Variants in LRMDA observed in about 807,000 individuals in gnomAD.
The protein encoded by LRMDA is leucine rich melanocyte differentiation associated, also known as leucine-rich melanocyte differentiation-associated protein.
In LRMDA, 18 loss-of-function variants were observed where a neutral mutation model predicts 29.8. The observed-to-expected ratio is 0.60, with a 90% CI of 0.42 to 0.90. The LOEUF is 0.90. Ranked by LOEUF, LRMDA falls within the 40% of genes least tolerant of loss-of-function variation. LRMDA has a pLI of 0.00. For synonymous variants in LRMDA, 125 were observed against 109.4 expected, an observed-to-expected ratio of 1.14 and a Z score of -0.89; for missense variants, 273 against 273.9, an observed-to-expected ratio of 1.00 and a Z score of 0.02.
rs532433171 is a variant in LRMDA, at chr10:75,911,059, A to T, written c.132-124949A>T. Among the ~76,000 whole-genome samples, 26 of 152,040 alleles carry T rather than the reference A, an allele frequency of 1.7e-4. No individual in the cohort carries two copies. In the South Asian group the frequency reaches 5.2e-3, roughly 30 times the overall value. The stretch of plus-strand genomic sequence containing the variant: ...CATTATTCTTTACTGTGTGCTGGCC[A>T]CTGCAACTCATCATAAAGATGAATG... On this transcript the variant is annotated intron_variant, in intron 2 of 6. Coordinates refer to ENST00000611255, the MANE Select transcript of LRMDA (RefSeq NM_001305581.2).
At chr10:76,336,935 T>A (rs1840976398) in intron 6 of LRMDA, among the ~76,000 whole-genome samples, 1 of 152,146 alleles carries the variant, frequency 6.6e-6, no homozygotes, top group Non-Finnish European at 1.5e-5. Flanking sequence ...TATGTCTAAT[T>A]TCTCCCCACC....
chr10:75,482,018 G>C (rs914166862), intron 2 of LRMDA, among the ~76,000 whole-genome samples: 3 of 152,062 alleles, frequency 2.0e-5, no homozygotes, highest in Non-Finnish European at 4.4e-5. Flanking sequence ...ATAACATCAC[G>C]CACCTCTCTT....
intron 2 of LRMDA, among the ~76,000 whole-genome samples, chr10:75,564,516 CGCGCGCATGGT>C (rs1453515970): frequency 6.6e-6 from 1 of 152,260 alleles, no homozygotes; most frequent in Non-Finnish European, 1.5e-5. Context: ...CCTGCTTCAG[CGCGCGCATGGT>C]GCGCTGCACC....
intron 2 of LRMDA, among the ~76,000 whole-genome samples, chr10:75,580,391 C>G (rs1418165695): frequency 6.6e-6 from 1 of 152,270 alleles, no homozygotes; most frequent in Non-Finnish European, 1.5e-5. Flanking sequence ...TCGAGAACTA[C>G]AAACCACTGC....
chr10:75,511,013 G>T (rs532734881), intron 2 of LRMDA, among the ~76,000 whole-genome samples: 1 of 152,246 alleles, frequency 6.6e-6, no homozygotes, highest in African/African-American at 2.4e-5. Flanking sequence ...GGCACCTACT[G>T]TATTGATTTG....
chr10:76,326,888 T>A (rs941807210), intron 6 of LRMDA, among the ~76,000 whole-genome samples: 1 of 152,182 alleles, frequency 6.6e-6, no homozygotes, highest in Non-Finnish European at 1.5e-5. Context: ...GATAGTAACA[T>A]GTCGTATTTT....
intron 5 of LRMDA, among the ~76,000 whole-genome samples, chr10:76,136,345 G>A (rs1398873634): frequency 2.0e-5 from 3 of 152,170 alleles, no homozygotes; most frequent in African/African-American, 7.2e-5. Flanking sequence ...TTTTGCAGAA[G>A]TCAGTGCCTT....
chr10:76,503,016 A>T (rs1842926318), intron 6 of LRMDA, among the ~76,000 whole-genome samples: 1 of 151,898 alleles, frequency 6.6e-6, no homozygotes, highest in Admixed American at 6.6e-5. Flanking sequence ...CTTCAGTATG[A>T]CATTGGCTAT....
intron 2 of LRMDA, among the ~76,000 whole-genome samples, chr10:75,802,877 G>C (rs1366255475): frequency 6.6e-6 from 1 of 150,948 alleles, no homozygotes; most frequent in Non-Finnish European, 1.5e-5. Flanking sequence ...CTCTTGATTT[G>C]TTAATTACTG....
chr10:75,523,479 T>TG (rs1393831966), intron 2 of LRMDA, among the ~76,000 whole-genome samples: 1 of 152,162 alleles, frequency 6.6e-6, no homozygotes, highest in Non-Finnish European at 1.5e-5. Context: ...TCACTTGAAA[T>TG]GGGGAACAAG....
chr10:76,401,352 C>A (rs1841846594), intron 6 of LRMDA, among the ~76,000 whole-genome samples: 1 of 152,186 alleles, frequency 6.6e-6, no homozygotes, highest in Non-Finnish European at 1.5e-5. Context: ...TTACCGCATA[C>A]CTGGCATTGT....
At chr10:76,071,633 C>T (rs771315591) in intron 5 of LRMDA, among the ~76,000 whole-genome samples, 1 of 152,194 alleles carries the variant, frequency 6.6e-6, no homozygotes, top group African/African-American at 2.4e-5. Flanking sequence ...TGCTTTCCCT[C>T]CCCTCTTCCT....
At chr10:76,365,105 T>C (rs141079520) in intron 6 of LRMDA, among the ~76,000 whole-genome samples, 631 of 14,382 alleles carry the variant, frequency 0.044, 37 homozygotes, top group African/African-American at 0.13. Context: ...TATATATATA[T>C]ATACACACAC....
At chr10:76,008,365 C>T (rs1199210530) in intron 2 of LRMDA, among the ~76,000 whole-genome samples, 1 of 152,140 alleles carries the variant, frequency 6.6e-6, no homozygotes, top group Non-Finnish European at 1.5e-5. Flanking sequence ...AGGGGCTTTA[C>T]TGGTTAAGCT....
At chr10:76,102,717 A>G (rs544884278) in intron 5 of LRMDA, among the ~76,000 whole-genome samples, 1 of 152,244 alleles carries the variant, frequency 6.6e-6, no homozygotes, top group Admixed American at 6.5e-5. Flanking sequence ...CAGTGGCGCA[A>G]TCATGGTTCA....
intron 2 of LRMDA, among the ~76,000 whole-genome samples, chr10:75,644,292 C>T (rs1454508539): frequency 1.3e-5 from 2 of 152,146 alleles, no homozygotes; most frequent in Non-Finnish European, 2.9e-5. Context: ...CAGCTGCCCT[C>T]AGGAAGGCAT....
chr10:76,346,335 G>A (rs1343987660), intron 6 of LRMDA: 1 of 152,164 alleles, frequency 6.6e-6, no homozygotes, highest in African/African-American at 2.4e-5. Context: ...TGATAACTTT[G>A]GGTGATTTAT....
intron 5 of LRMDA, among the ~76,000 whole-genome samples, chr10:76,106,748 A>C (rs1314011891): frequency 2.0e-5 from 3 of 152,212 alleles, no homozygotes; most frequent in African/African-American, 7.2e-5. Context: ...AAATGTCCTC[A>C]GGTCTCTATT....
At chr10:75,722,826 C>T (rs994706305) in intron 2 of LRMDA, among the ~76,000 whole-genome samples, 2 of 152,228 alleles carry the variant, frequency 1.3e-5, no homozygotes, top group African/African-American at 4.8e-5. Context: ...GATGAAATCA[C>T]TTTAAAACAG....
Sources: gnomAD v4.1 joint callset for allele counts (sites outside exome capture counted in the v4.1 genomes callset) on GRCh38, gnomAD v4.1.1 for gene constraint, MANE v1.5 for transcripts, NCBI Gene and HGNC (gene_info 2026-07-23, HGNC 2026-07-21) for gene names.